Variants in ITPKB observed in about 807,000 individuals in gnomAD.
The protein encoded by ITPKB is inositol-trisphosphate 3-kinase B.
In ITPKB, 13 loss-of-function variants were observed where a neutral mutation model predicts 69.4. The observed-to-expected ratio is 0.19, with a 90% CI of 0.12 to 0.30. The LOEUF is 0.30. ITPKB is among the 10% of genes least tolerant of loss of function. The pLI is 1.00. For missense variants in ITPKB, 1,240 were observed against 1,250.5 expected (o/e 0.99, Z 0.13); for synonymous variants, 584 against 513.7 (o/e 1.14, Z -1.85).
chr1:226,649,053 C>T (rs1558302379), intron 2 of ITPKB, among the ~76,000 whole-genome samples: 2 of 152,336 alleles, frequency 1.3e-5, no homozygotes, highest in East Asian at 3.9e-4. Context: ...ACCACCCAGC[C>T]GCACCACATT....
At chr1:226,696,925 A>T (rs1656503566) in intron 2 of ITPKB, among the ~76,000 whole-genome samples, 1 of 152,218 alleles carries the variant, frequency 6.6e-6, no homozygotes, top group Admixed American at 6.5e-5. Context: ...CACACAGCTC[A>T]CACTCAATGA....
chr1:226,729,126 T>C (rs1657510878), intron 2 of ITPKB, among the ~76,000 whole-genome samples: 2 of 152,134 alleles, frequency 1.3e-5, no homozygotes, highest in Admixed American at 6.5e-5. Context: ...GGTGTAACCA[T>C]GGGTCCTGTA....
At chr1:226,707,767 A>G in intron 2 of ITPKB, 1 of 1,060,972 alleles carries the variant, frequency 9.4e-7, no homozygotes, top group Non-Finnish European at 1.2e-6. Flanking sequence ...TCGTAGGGAA[A>G]CTGCAGCACT....
At chr1:226,677,726 T>A (rs1044302880) in intron 2 of ITPKB, among the ~76,000 whole-genome samples, 3 of 152,212 alleles carry the variant, frequency 2.0e-5, no homozygotes, top group Non-Finnish European at 4.4e-5. Context: ...AAAATGCAAC[T>A]TACTGCAGCC....
At chr1:226,648,345 T>C (rs569666165) in intron 3 of ITPKB, among the ~76,000 whole-genome samples, 3 of 152,118 alleles carry the variant, frequency 2.0e-5, no homozygotes, top group Non-Finnish European at 4.4e-5. Flanking sequence ...CTATAAAGAC[T>C]GATGGCTTCA....
chr1:226,673,615 G>C (rs1202022337), intron 2 of ITPKB, among the ~76,000 whole-genome samples: 1 of 152,188 alleles, frequency 6.6e-6, no homozygotes, highest in African/African-American at 2.4e-5. Context: ...GGAAATCTTT[G>C]ACAGGTCTTC....
chr1:226,703,443 G>A (rs1000117835), intron 2 of ITPKB, among the ~76,000 whole-genome samples: 2 of 152,210 alleles, frequency 1.3e-5, no homozygotes, highest in South Asian at 2.1e-4. Context: ...CGGTGAAGCA[G>A]GGCCTGCTCT....
intron 2 of ITPKB, chr1:226,659,641 C>T (rs1669363017): frequency 6.6e-6 from 1 of 152,158 alleles, no homozygotes; most frequent in Non-Finnish European, 1.5e-5. Context: ...CTGGAATCCT[C>T]CCTGAAGCTG....
chr1:226,718,071 G>A (rs570671403), intron 2 of ITPKB, among the ~76,000 whole-genome samples: 7 of 151,658 alleles, frequency 4.6e-5, no homozygotes, highest in East Asian at 2.0e-4. Flanking sequence ...CGAGGCAGGC[G>A]GATCACAAGG....
At chr1:226,646,967 C>G (rs574055749) in intron 4 of ITPKB, among the ~76,000 whole-genome samples, 200 bp downstream of exon 4, 1 of 152,358 alleles carries the variant, frequency 6.6e-6, no homozygotes, top group East Asian at 1.9e-4. Context: ...AAGGGGCCAT[C>G]ATGGGCAAAG....
intron 2 of ITPKB, among the ~76,000 whole-genome samples, chr1:226,693,045 C>A (rs1288433589): frequency 6.6e-6 from 1 of 152,188 alleles, no homozygotes; most frequent in Non-Finnish European, 1.5e-5. Flanking sequence ...TTCGGCTGCT[C>A]AGGGAGCAAG....
intron 2 of ITPKB, among the ~76,000 whole-genome samples, chr1:226,729,310 C>G (rs1657517345): frequency 6.6e-6 from 1 of 151,838 alleles, no homozygotes. Context: ...GGTGAAAACC[C>G]ATTTCTACTA....
At chr1:226,649,955 A>AG (rs1419203566) in intron 2 of ITPKB, among the ~76,000 whole-genome samples, 3 of 152,166 alleles carry the variant, frequency 2.0e-5, no homozygotes, top group Admixed American at 6.5e-5. Flanking sequence ...ACCCGTCCTC[A>AG]GGGGGGCGAT....
intron 2 of ITPKB, among the ~76,000 whole-genome samples, chr1:226,686,127 C>T (rs1052330732): frequency 3.3e-5 from 5 of 152,058 alleles, no homozygotes; most frequent in African/African-American, 7.2e-5. Flanking sequence ...CAGCAGAACC[C>T]AAGGGAAAGC....
At position 226,648,719 on chromosome 1, in the gene ITPKB, A is replaced by T; in HGVS notation, c.1985T>A (p.Met662Lys). Reference sequence around the variant, plus strand: ...CCAGGGGTACTTCTTCTTGAAGGACATGACGAAGGGAGACCAGTGCACCAT... The same window carrying T: ...CCAGGGGTACTTCTTCTTGAAGGACTTGACGAAGGGAGACCAGTGCACCAT... ...KNMVHWSPFV[M>K]SFKKKYPWIQ... The change falls in exon 3 of 8, where the codon ATG becomes AAG. Residue 662 changes from methionine to lysine, a missense_variant. Physicochemically the swap from Met to Lys is moderately conservative, Grantham distance 95. Transcript: ENST00000429204. 6.2e-7 allele frequency: 1 copy of T among 1,613,536 alleles called. No homozygotes were observed. The highest frequency in any genetic ancestry group is 8.5e-7 in the Non-Finnish European group (1 of 1,179,392).
intron 2 of ITPKB, among the ~76,000 whole-genome samples, chr1:226,688,789 T>C (rs3754404): frequency 6.6e-6 from 1 of 152,066 alleles, no homozygotes; most frequent in African/African-American, 2.4e-5. Flanking sequence ...GACGCTGGTA[T>C]GACTCTCACT....
chr1:226,650,146 G>C (rs1391466744), intron 2 of ITPKB, among the ~76,000 whole-genome samples: 4 of 152,250 alleles, frequency 2.6e-5, no homozygotes, highest in Non-Finnish European at 4.4e-5. Flanking sequence ...CAGCCCTCAG[G>C]GGTCAGCGGC....
intron 3 of ITPKB, among the ~76,000 whole-genome samples, chr1:226,648,311 C>G (rs888937797): frequency 6.6e-6 from 1 of 152,170 alleles, no homozygotes; most frequent in African/African-American, 2.4e-5. Flanking sequence ...GCCTCTTTGT[C>G]CAGGGTGACA....
chr1:226,639,350 G>C (rs1269743704), intron 6 of ITPKB, among the ~76,000 whole-genome samples: 1 of 152,184 alleles, frequency 6.6e-6, no homozygotes, highest in East Asian at 1.9e-4. Flanking sequence ...GAGCCACTGT[G>C]CCCGGCGTGC....
Sources: allele counts gnomAD v4.1 joint callset (sites outside exome capture counted in the v4.1 genomes callset), GRCh38; gene constraint gnomAD v4.1.1; transcripts MANE v1.5; gene names NCBI Gene and HGNC (gene_info 2026-07-23, HGNC 2026-07-21).